ADGRL3: variants seen among roughly 807,000 people sequenced by gnomAD.
ADGRL3 encodes the protein calcium-independent alpha-latrotoxin receptor 3.
A neutral mutation model predicts 153.5 loss-of-function variants in ADGRL3; 62 were observed. That is an observed-to-expected ratio of 0.40 (90% CI 0.33 to 0.50). ADGRL3 has a LOEUF of 0.50. Ranked by LOEUF, ADGRL3 falls within the 20% of genes least tolerant of loss-of-function variation. The probability of loss-of-function intolerance (pLI) is 0.47; values close to 1 mark genes in which losing one functional copy is unlikely to be tolerated. For synonymous variants in ADGRL3, 710 were observed against 672.5 expected (o/e 1.06, Z -0.86); for missense variants, 1,641 against 1,859.4 (o/e 0.88, Z 2.16).
intron 2 of ADGRL3, among the ~76,000 whole-genome samples, chr4:61,413,596 G>T (rs1041644278): frequency 3.3e-5 from 5 of 152,056 alleles, no homozygotes; most frequent in African/African-American, 1.2e-4. Context: ...GTAGTGCAGT[G>T]TTTATCTAAA....
rs984449505 is a variant in ADGRL3, at chr4:61,750,587, C to G, written c.1399+17033C>G. Among the ~76,000 whole-genome samples the G allele has an allele frequency of 2.0e-5, 3 of 151,998 alleles. No individual in the cohort carries two copies. The East Asian group carries it at 5.8e-4, about 30-fold the overall frequency. On this transcript the variant is annotated intron_variant, in intron 8 of 26. Transcript: ENST00000683033. ...CGGGCGGATCACGAGGTCAGGAGAT[C>G]GAGACCATCCCGGCTAAAACGGTGA...
At chr4:61,269,513 G>C (rs2093039744) in intron 1 of ADGRL3, among the ~76,000 whole-genome samples, 2 of 151,466 alleles carry the variant, frequency 1.3e-5, no homozygotes, top group Non-Finnish European at 3.0e-5. Context: ...AGTTTTTAAT[G>C]TATCTGTGTT....
At chr4:61,209,431 G>A (rs1211972782) in intron 1 of ADGRL3, among the ~76,000 whole-genome samples, 1 of 152,118 alleles carries the variant, frequency 6.6e-6, no homozygotes, top group Non-Finnish European at 1.5e-5. Context: ...AGTACCTTTT[G>A]TTATTAGTCA....
intron 1 of ADGRL3, among the ~76,000 whole-genome samples, chr4:61,265,735 T>G (rs527793171): frequency 2.0e-5 from 3 of 152,010 alleles, no homozygotes; most frequent in Admixed American, 2.0e-4. Context: ...TATAACATAC[T>G]GTAGAGGTTC....
chr4:61,540,550 C>A (rs2036200), intron 4 of ADGRL3, among the ~76,000 whole-genome samples: 84,821 of 149,748 alleles, frequency 0.57, 23,982 homozygotes, highest in African/African-American at 0.63. Context: ...TCTGTCTCAA[C>A]AAAAAAAGAA....
intron 1 of ADGRL3, among the ~76,000 whole-genome samples, chr4:61,218,312 G>A (rs1743796738): frequency 1.1e-5 from 1 of 89,330 alleles, no homozygotes; most frequent in African/African-American, 4.2e-5. Context: ...ATTATTAAGT[G>A]CTTCTTTTTT....
intron 1 of ADGRL3, among the ~76,000 whole-genome samples, chr4:61,258,023 A>T (rs1275648785): frequency 6.6e-6 from 1 of 152,128 alleles, no homozygotes; most frequent in Non-Finnish European, 1.5e-5. Flanking sequence ...GTCTTCCTTT[A>T]GCTACTACCA....
At chr4:61,741,760 A>G (rs201791394) in intron 8 of ADGRL3, among the ~76,000 whole-genome samples, 2 of 152,248 alleles carry the variant, frequency 1.3e-5, no homozygotes, top group East Asian at 3.8e-4. Flanking sequence ...AGCTGAACCT[A>G]GTGTTTGTTA....
chr4:61,726,210 G>GTTTTTTTTTTTTTTTTGTTGTTT (rs149472429), intron 6 of ADGRL3, among the ~76,000 whole-genome samples: 1 of 118,480 alleles, frequency 8.4e-6, no homozygotes, highest in African/African-American at 3.2e-5. Context: ...TTTTTTTTTT[G>GTTTTTTTTTTTTTTTTGTTGTTT]TTTTTTGAGA....
intron 6 of ADGRL3, among the ~76,000 whole-genome samples, chr4:61,681,431 C>A (rs1263833238): frequency 6.6e-6 from 1 of 151,950 alleles, no homozygotes; most frequent in East Asian, 1.9e-4. Flanking sequence ...CTTATTCTAG[C>A]AATCTTCTCT....
intron 3 of ADGRL3, among the ~76,000 whole-genome samples, chr4:61,507,513 A>G (rs902632397): frequency 2.6e-5 from 4 of 152,208 alleles, no homozygotes; most frequent in African/African-American, 9.6e-5. Context: ...CTGTCTTGTT[A>G]AACAGAATTT....
chr4:62,013,046 G>A (rs1266668420), intron 21 of ADGRL3, among the ~76,000 whole-genome samples: 1 of 152,128 alleles, frequency 6.6e-6, no homozygotes. Context: ...GAAATTGACA[G>A]GTTTGGACAG....
intron 4 of ADGRL3, among the ~76,000 whole-genome samples, chr4:61,540,850 AG>A (rs1248539926): frequency 9.2e-5 from 14 of 152,222 alleles, no homozygotes. Context: ...AGGAACAGCA[AG>A]GGGCATCTTT....
At chr4:61,748,769 C>G (rs2096709687) in intron 8 of ADGRL3, among the ~76,000 whole-genome samples, 4 of 151,298 alleles carry the variant, frequency 2.6e-5, no homozygotes, top group South Asian at 2.1e-4. Context: ...AGAAGAAAAC[C>G]TAGGCATTAC....
chr4:61,852,810 T>TTTTA (rs145148534), intron 9 of ADGRL3, among the ~76,000 whole-genome samples: 4,666 of 149,604 alleles, frequency 0.031, 156 homozygotes, highest in East Asian at 0.19. Context: ...ACTCATCATC[T>TTTTA]TTTATTTATT....
At chr4:61,495,036 A>G (rs973706833) in intron 2 of ADGRL3, among the ~76,000 whole-genome samples, 2 of 152,188 alleles carry the variant, frequency 1.3e-5, no homozygotes, top group Non-Finnish European at 2.9e-5. Context: ...TCATAGAACC[A>G]TATGAATTAA....
intron 2 of ADGRL3, among the ~76,000 whole-genome samples, chr4:61,405,111 T>A (rs1009888522): frequency 6.6e-6 from 1 of 152,008 alleles, no homozygotes; most frequent in Non-Finnish European, 1.5e-5. Flanking sequence ...ATGAAATTCA[T>A]TGAGGAAGGA....
At chr4:61,216,834 C>T (rs1435123042) in intron 1 of ADGRL3, among the ~76,000 whole-genome samples, 1 of 152,118 alleles carries the variant, frequency 6.6e-6, no homozygotes, top group Non-Finnish European at 1.5e-5. Context: ...ATAATACCTA[C>T]CTTTCAGAGT....
chr4:61,234,778 A>T (rs11131312), intron 1 of ADGRL3, among the ~76,000 whole-genome samples: 88,687 of 151,876 alleles, frequency 0.58, 26,174 homozygotes, highest in East Asian at 0.8. Context: ...CTGCAGTAGG[A>T]TGATGACCGA....
Sources: allele counts gnomAD v4.1 joint callset (sites outside exome capture counted in the v4.1 genomes callset), GRCh38; gene constraint gnomAD v4.1.1; transcripts MANE v1.5; gene names NCBI Gene and HGNC (gene_info 2026-07-23, HGNC 2026-07-21).